Variants in KCNB2 observed in about 807,000 individuals in gnomAD.
The protein encoded by KCNB2 is potassium voltage-gated channel subfamily B member 2, also known as delayed rectifier potassium channel protein.
Under a neutral mutation model 61.5 loss-of-function variants are expected in KCNB2, and 15 were observed. The ratio of observed to expected loss-of-function variants is 0.24; its 90% CI spans 0.16 to 0.38. The LOEUF is 0.38. Among genes scored for constraint, KCNB2 ranks in the 10% least tolerant of loss-of-function variants. The pLI is 1.00. For missense variants in KCNB2, 828 were observed against 1,125.2 expected (o/e 0.74, Z 3.78); for synonymous variants, 457 against 446.0 (o/e 1.02, Z -0.31).
At chr8:72,862,503 A>G (rs1440382246) in intron 2 of KCNB2, among the ~76,000 whole-genome samples, 1 of 152,126 alleles carries the variant, frequency 6.6e-6, no homozygotes, top group East Asian at 1.9e-4. Flanking sequence ...GTTTTTCAAG[A>G]TATTTATATT....
intron 2 of KCNB2, among the ~76,000 whole-genome samples, chr8:72,687,189 C>G (rs1806866721): frequency 6.6e-6 from 1 of 152,216 alleles, no homozygotes; most frequent in Admixed American, 6.5e-5. Context: ...ATTGGAATAT[C>G]TGTTTCTAAA....
Position 72,811,988 on chromosome 8 carries a change from A to C in KCNB2, c.580-123947A>C, listed in dbSNP as rs1184211102. On this transcript the variant is annotated intron_variant, in intron 2 of 2. Transcript: ENST00000523207. Reference sequence around the variant, plus strand: ...TGTCAAAAGGTGAAGCAGGCTGGGCACCATGGCTCACGCCTGTAATCCCAG... The same window carrying C: ...TGTCAAAAGGTGAAGCAGGCTGGGCCCCATGGCTCACGCCTGTAATCCCAG... Among the ~76,000 whole-genome samples the C allele has an allele frequency of 2.0e-5, 3 of 152,196 alleles. No individual in the cohort carries two copies. In the East Asian group the frequency reaches 5.8e-4, roughly 29 times the overall value.
Position 72,767,357 on chromosome 8 carries a change from G to A in KCNB2, c.580-168578G>A, listed in dbSNP as rs569892067. ...TTGCACACTCATCACCACAATGTAAGTTCACAACATTTTTGTTCCCCAAAC... is the reference window on the plus strand; with the variant it reads ...TTGCACACTCATCACCACAATGTAAATTCACAACATTTTTGTTCCCCAAAC... On this transcript the variant is annotated intron_variant, in intron 2 of 2. Coordinates refer to ENST00000523207, the MANE Select transcript of KCNB2 (RefSeq NM_004770.3). Among the ~76,000 whole-genome samples, 32 of 152,134 alleles carry A rather than the reference G, an allele frequency of 2.1e-4. 1 individual carries two copies. The South Asian group carries it at 4.4e-3, about 21-fold the overall frequency.
intron 2 of KCNB2, among the ~76,000 whole-genome samples, chr8:72,924,645 A>T (rs78807094): frequency 1.3e-5 from 2 of 151,886 alleles, no homozygotes; most frequent in Admixed American, 6.6e-5. Context: ...AGACAGCTAT[A>T]AAAAAAAGGG....
In KCNB2 at chr8:72,567,663, C is replaced by A; in HGVS notation, c.-72C>A. On this transcript the variant is annotated 5_prime_UTR_variant, in exon 2 of 3. Transcript: ENST00000523207. Reference sequence around the variant, plus strand: ...CCAGCTTTGTCAGTGGAAATGCCTGCCCCAGAGGGATATTGCTTCAGTTGA... The same window carrying A: ...CCAGCTTTGTCAGTGGAAATGCCTGACCCAGAGGGATATTGCTTCAGTTGA... The A allele has an allele frequency of 4.0e-6, 4 of 1,003,584 alleles. No homozygotes were observed. The highest frequency in any genetic ancestry group is 2.9e-6 in the Non-Finnish European group (2 of 685,542). 62.2% of individuals were successfully genotyped at this position (1,003,584 alleles called of 1,614,324 possible). A position where few individuals can be genotyped will look rare whatever the true frequency, so the allele number is the denominator to read the frequency against.
At chr8:72,717,971 AAAAC>A (rs1211414478) in intron 2 of KCNB2, among the ~76,000 whole-genome samples, 4 of 152,114 alleles carry the variant, frequency 2.6e-5, no homozygotes, top group South Asian at 2.1e-4. Flanking sequence ...TTACAAGAAA[AAAAC>A]AAACAACCCC....
rs182910555 is a variant in KCNB2, at chr8:72,710,234, G to A, written c.579+141921G>A. Reference sequence around the variant, plus strand: ...GCTTCTCAGAGACCCTAACACAAAGGAACATTGGTGTTTTAAGGGCAGTTA... The same window carrying A: ...GCTTCTCAGAGACCCTAACACAAAGAAACATTGGTGTTTTAAGGGCAGTTA... On this transcript the variant is annotated intron_variant, in intron 2 of 2. Coordinates refer to ENST00000523207, the MANE Select transcript of KCNB2 (RefSeq NM_004770.3). 3.4e-3 allele frequency among the ~76,000 whole-genome samples: 512 copies of A among 152,232 alleles called. 4 individuals are homozygous for A. The highest frequency in any genetic ancestry group is 0.012 in the African/African-American group (480 of 41,538).
intron 2 of KCNB2, among the ~76,000 whole-genome samples, chr8:72,599,148 CT>C (rs201010368): frequency 0.012 from 1,872 of 152,240 alleles, 34 homozygotes; most frequent in African/African-American, 0.042. Flanking sequence ...CAAGTCAATC[CT>C]AAGCCAAAAG....
At chr8:72,689,143 G>C (rs143826583) in intron 2 of KCNB2, among the ~76,000 whole-genome samples, 32 of 152,274 alleles carry the variant, frequency 2.1e-4, no homozygotes, top group African/African-American at 7.7e-4. Flanking sequence ...GAGAGAGAGA[G>C]ATAGTACTTT....
chr8:72,727,255 A>G (rs1013704205), intron 2 of KCNB2, among the ~76,000 whole-genome samples: 1 of 152,160 alleles, frequency 6.6e-6, no homozygotes, highest in Non-Finnish European at 1.5e-5. Flanking sequence ...ACACTCACTC[A>G]TTTGCCTAAT....
chr8:72,604,979 A>G (rs1805422357), intron 2 of KCNB2, among the ~76,000 whole-genome samples: 1 of 152,202 alleles, frequency 6.6e-6, no homozygotes, highest in African/African-American at 2.4e-5. Context: ...TCTTGTTCTC[A>G]TAACTTTATC....
At chr8:72,743,307 T>C (rs749002524) in intron 2 of KCNB2, among the ~76,000 whole-genome samples, 3 of 152,208 alleles carry the variant, frequency 2.0e-5, no homozygotes, top group Non-Finnish European at 4.4e-5. Flanking sequence ...GAGTTATAAA[T>C]GTGGCAATAT....
chr8:72,635,864 T>C (rs555846101), intron 2 of KCNB2, among the ~76,000 whole-genome samples: 48 of 152,296 alleles, frequency 3.2e-4, no homozygotes, highest in African/African-American at 1.1e-3. Flanking sequence ...GTGCAGGCTT[T>C]AGAGAGAATC....
chr8:72,896,813 G>A (rs1415273943), intron 2 of KCNB2, among the ~76,000 whole-genome samples: 1 of 152,068 alleles, frequency 6.6e-6, no homozygotes, highest in African/African-American at 2.4e-5. Flanking sequence ...GGAAGAAAAA[G>A]TCAAGAAATG....
At chr8:72,738,989 T>G (rs1807898537) in intron 2 of KCNB2, among the ~76,000 whole-genome samples, 1 of 152,192 alleles carries the variant, frequency 6.6e-6, no homozygotes, top group South Asian at 2.1e-4. Context: ...TACCATTTAT[T>G]AGGATTAAAA....
At chr8:72,786,478 G>C (rs1808847650) in intron 2 of KCNB2, among the ~76,000 whole-genome samples, 2 of 152,088 alleles carry the variant, frequency 1.3e-5, no homozygotes, top group African/African-American at 4.8e-5. Flanking sequence ...CCATCCTAAA[G>C]TACTTTGTAA....
chr8:72,719,423 T>C (rs1423327967), intron 2 of KCNB2, among the ~76,000 whole-genome samples: 1 of 152,210 alleles, frequency 6.6e-6, no homozygotes, highest in Non-Finnish European at 1.5e-5. Flanking sequence ...GTACAGAGAA[T>C]AGTGACATTC....
In KCNB2 at chr8:72,779,926, G is replaced by A. The variant is rs1037092614; in HGVS notation, c.580-156009G>A. Reference sequence around the variant, plus strand: ...TCCTTTAGTTTGACAATGTTACTGAGATTTATCTAGCACCTGTCTTCCAAT... The same window carrying A: ...TCCTTTAGTTTGACAATGTTACTGAAATTTATCTAGCACCTGTCTTCCAAT... On this transcript the variant is annotated intron_variant, in intron 2 of 2. Transcript: ENST00000523207. Among the ~76,000 whole-genome samples, 5 of 152,180 alleles carry A rather than the reference G, an allele frequency of 3.3e-5. 1 individual carries two copies.
At chr8:72,714,257 C>T (rs1807381203) in intron 2 of KCNB2, among the ~76,000 whole-genome samples, 1 of 152,166 alleles carries the variant, frequency 6.6e-6, no homozygotes, top group South Asian at 2.1e-4. Flanking sequence ...TCCAGGAGAA[C>T]TTCCCCAATC....
Sources: gnomAD v4.1 joint callset for allele counts (sites outside exome capture counted in the v4.1 genomes callset) on GRCh38, gnomAD v4.1.1 for gene constraint, MANE v1.5 for transcripts, NCBI Gene and HGNC (gene_info 2026-07-23, HGNC 2026-07-21) for gene names.